The following CSMD1 variants were observed in gnomAD, a reference collection of about 807,000 sequenced individuals.
CSMD1 encodes the protein CUB and sushi domain-containing protein 1.
CSMD1 carries 213 observed loss-of-function variants against 417.5 expected under a neutral mutation model. That is an observed-to-expected ratio of 0.51 (90% CI 0.46 to 0.57). CSMD1 has a LOEUF of 0.57. CSMD1 is among the 20% of genes least tolerant of loss of function. The probability of loss-of-function intolerance (pLI) is 0.00; values close to 1 mark genes in which losing one functional copy is unlikely to be tolerated. For missense variants in CSMD1, 6,923 were observed against 4,529.7 expected (o/e 1.53, Z -15.17); for synonymous variants, 2,862 against 1,736.8 (o/e 1.65, Z -16.11).
chr8:4,156,441 A>T (rs1328493578), intron 3 of CSMD1, among the ~76,000 whole-genome samples: 1 of 152,188 alleles, frequency 6.6e-6, no homozygotes, highest in Non-Finnish European at 1.5e-5. Context: ...AGAAAGGATA[A>T]ATATGCTATT....
At chr8:3,630,301 G>T (rs970511838) in intron 7 of CSMD1, among the ~76,000 whole-genome samples, 8 of 152,082 alleles carry the variant, frequency 5.3e-5, no homozygotes, top group African/African-American at 1.9e-4. Context: ...TGGAAAAGAT[G>T]GGCAGGAATT....
intron 3 of CSMD1, among the ~76,000 whole-genome samples, chr8:4,279,103 AC>A (rs1796642011): frequency 6.6e-6 from 1 of 152,172 alleles, no homozygotes; most frequent in South Asian, 2.1e-4. Flanking sequence ...TTTAAAAAAC[AC>A]CAACCGTATT....
intron 17 of CSMD1, among the ~76,000 whole-genome samples, chr8:3,393,810 A>G (rs919944852): frequency 6.6e-6 from 1 of 151,112 alleles, no homozygotes; most frequent in Non-Finnish European, 1.5e-5. Flanking sequence ...GGACACAGGA[A>G]GGGGAACATC....
intron 3 of CSMD1, among the ~76,000 whole-genome samples, chr8:4,162,125 T>C (rs937262313): frequency 1.3e-5 from 2 of 152,208 alleles, no homozygotes; most frequent in African/African-American, 4.8e-5. Flanking sequence ...TACATGATTC[T>C]AAATAAACTA....
At chr8:3,068,172 T>C (rs986338237) in intron 49 of CSMD1, among the ~76,000 whole-genome samples, 2 of 152,230 alleles carry the variant, frequency 1.3e-5, no homozygotes, top group Admixed American at 1.3e-4. Flanking sequence ...GTTTTCACCA[T>C]TTCTCTCTGT....
At chr8:4,892,812 C>T (rs1445137344) in intron 1 of CSMD1, among the ~76,000 whole-genome samples, 1 of 152,054 alleles carries the variant, frequency 6.6e-6, no homozygotes, top group Non-Finnish European at 1.5e-5. Context: ...ATGGGAACTT[C>T]TGTATGCTAC....
chr8:4,161,350 G>C (rs1797149815), intron 3 of CSMD1, among the ~76,000 whole-genome samples: 1 of 152,186 alleles, frequency 6.6e-6, no homozygotes, highest in Non-Finnish European at 1.5e-5. Context: ...CGGTCTCTTT[G>C]ACTGTAAAAA....
intron 3 of CSMD1, among the ~76,000 whole-genome samples, chr8:4,093,713 C>G (rs376254724): frequency 1.3e-5 from 2 of 152,110 alleles, no homozygotes. Flanking sequence ...GTAATTTCGG[C>G]ACTTTGGGAG....
chr8:4,697,630 C>T (rs372218752), intron 1 of CSMD1, among the ~76,000 whole-genome samples: 3 of 152,110 alleles, frequency 2.0e-5, no homozygotes, highest in African/African-American at 7.2e-5. Flanking sequence ...AGGCCAAAGG[C>T]AATTAAGCAG....
intron 10 of CSMD1, among the ~76,000 whole-genome samples, chr8:3,511,823 A>AC (rs1797085580): frequency 1.3e-5 from 2 of 151,280 alleles, no homozygotes; most frequent in African/African-American, 4.9e-5. Flanking sequence ...ATAACATAAC[A>AC]ATAAATAAAA....
chr8:3,793,070 G>A (rs1039396593), intron 5 of CSMD1, among the ~76,000 whole-genome samples: 1 of 152,280 alleles, frequency 6.6e-6, no homozygotes, highest in East Asian at 1.9e-4. Context: ...ACCCAAAAGA[G>A]TAGAAAGGGG....
intron 3 of CSMD1, among the ~76,000 whole-genome samples, chr8:4,278,439 C>T (rs941425373): frequency 4.6e-5 from 7 of 152,218 alleles, no homozygotes; most frequent in South Asian, 4.1e-4. Flanking sequence ...TCTGATGCTG[C>T]TATAGCTATA....
chr8:3,983,839 C>T (rs1814096327), intron 5 of CSMD1, among the ~76,000 whole-genome samples: 2 of 150,878 alleles, frequency 1.3e-5, no homozygotes, highest in African/African-American at 4.9e-5. Context: ...GCAGATCTGG[C>T]CGGCTGTCAA....
chr8:4,277,349 C>T (rs1235362498), intron 3 of CSMD1, among the ~76,000 whole-genome samples: 1 of 152,092 alleles, frequency 6.6e-6, no homozygotes, highest in Non-Finnish European at 1.5e-5. Context: ...TGACCTTTCA[C>T]TCCTCTTTCG....
At chr8:3,144,249 G>T (rs1165660349) in intron 40 of CSMD1, among the ~76,000 whole-genome samples, 1 of 150,958 alleles carries the variant, frequency 6.6e-6, no homozygotes, top group Non-Finnish European at 1.5e-5. Context: ...CGCACTAACG[G>T]ACAAAGGCCT....
At chr8:4,774,062 C>T (rs190814188) in intron 1 of CSMD1, among the ~76,000 whole-genome samples, 473 of 152,078 alleles carry the variant, frequency 3.1e-3, no homozygotes, top group African/African-American at 0.011. Flanking sequence ...CTGGGCATGG[C>T]GATAGATGCC....
intron 3 of CSMD1, among the ~76,000 whole-genome samples, chr8:4,091,622 A>G (rs1429671806): frequency 6.6e-6 from 1 of 152,190 alleles, no homozygotes; most frequent in African/African-American, 2.4e-5. Flanking sequence ...TAGCAAGAAA[A>G]CAATTCCAAT....
intron 1 of CSMD1, among the ~76,000 whole-genome samples, chr8:4,737,782 A>G (rs1310546929): frequency 2.0e-5 from 3 of 152,244 alleles, no homozygotes; most frequent in Non-Finnish European, 2.9e-5. Flanking sequence ...ATAGAAACAA[A>G]TAGTTCTTTG....
intron 26 of CSMD1, among the ~76,000 whole-genome samples, chr8:3,264,926 G>C (rs1002109931): frequency 2.0e-5 from 3 of 152,016 alleles, no homozygotes; most frequent in African/African-American, 7.2e-5. Context: ...GCTAACATCG[G>C]TATAGCTTAT....
Sources: gnomAD v4.1 joint callset for allele counts (sites outside exome capture counted in the v4.1 genomes callset) on GRCh38, gnomAD v4.1.1 for gene constraint, MANE v1.5 for transcripts, NCBI Gene and HGNC (gene_info 2026-07-23, HGNC 2026-07-21) for gene names.